PPP1R16B: variants seen among roughly 807,000 people sequenced by gnomAD.
The protein encoded by PPP1R16B is protein phosphatase 1 regulatory inhibitor subunit 16B.
In PPP1R16B, 14 loss-of-function variants were observed where a neutral mutation model predicts 61.7. The observed-to-expected ratio is 0.23, with a 90% CI of 0.15 to 0.35. The LOEUF (loss-of-function observed/expected upper bound fraction) is 0.35, where lower values mean the gene tolerates loss of function less well. Among genes scored for constraint, PPP1R16B ranks in the 10% least tolerant of loss-of-function variants. PPP1R16B has a pLI of 1.00. For missense variants in PPP1R16B, 547 were observed against 752.5 expected (o/e 0.73, Z 3.19); for synonymous variants, 266 against 305.3 (o/e 0.87, Z 1.34).
intron 1 of PPP1R16B, among the ~76,000 whole-genome samples, chr20:38,811,800 C>A (rs1176537985): frequency 6.6e-6 from 1 of 152,132 alleles, no homozygotes; most frequent in African/African-American, 2.4e-5. Flanking sequence ...TGCTAAATAT[C>A]CTGTGGTGCA....
rs1470197601 is a variant in PPP1R16B at position 38,855,972 on chromosome 20, A to AAG, written c.250+19797_250+19798insAG. ...GAGAGAGAGAGAGAGAGAGAGAGAGAGAGAGAGAGAAGGAGGAGGAGAGAG... is the reference window on the plus strand; with the variant it reads ...GAGAGAGAGAGAGAGAGAGAGAGAGAAGGAGAGAGAGAAGGAGGAGGAGAGAG... On this transcript the variant is annotated intron_variant, in intron 2 of 10. Coordinates refer to ENST00000299824, the MANE Select transcript of PPP1R16B (RefSeq NM_015568.4). Among the ~76,000 whole-genome samples the AAG allele has an allele frequency of 4.3e-3, 105 of 24,596 alleles. 6 individuals are homozygous for AAG. The highest frequency in any genetic ancestry group is 0.013 in the Middle Eastern group (1 of 76). 16.1% of individuals were successfully genotyped at this position (24,596 alleles called of 152,430 possible). A position where few individuals can be genotyped will look rare whatever the true frequency, so the allele number is the denominator to read the frequency against.
chr20:38,883,057 A>G (rs2085214197), intron 2 of PPP1R16B, among the ~76,000 whole-genome samples: 1 of 152,208 alleles, frequency 6.6e-6, no homozygotes, highest in Non-Finnish European at 1.5e-5. Context: ...ATGAGGCCTC[A>G]TTGCTGGGCA....
chr20:38,887,220 C>T (rs1399568099), intron 2 of PPP1R16B, among the ~76,000 whole-genome samples: 4 of 152,180 alleles, frequency 2.6e-5, no homozygotes, highest in Non-Finnish European at 5.9e-5. Flanking sequence ...GACTCTGTAA[C>T]TGACAAAAGA....
intron 2 of PPP1R16B, among the ~76,000 whole-genome samples, chr20:38,837,538 T>C (rs2084880001): frequency 6.6e-6 from 1 of 151,486 alleles, no homozygotes; most frequent in Admixed American, 6.6e-5. Flanking sequence ...TTTTTTTCTT[T>C]TTTTTTTTTC....
intron 2 of PPP1R16B, among the ~76,000 whole-genome samples, chr20:38,882,362 TTTG>T (rs140027108): frequency 0.012 from 1,743 of 151,532 alleles, 33 homozygotes; most frequent in African/African-American, 0.04. Context: ...TTTTTTTAAG[TTTG>T]TTGTTGTTGT....
At chr20:38,830,375 G>A (rs1304461429) in intron 1 of PPP1R16B, among the ~76,000 whole-genome samples, 2 of 152,178 alleles carry the variant, frequency 1.3e-5, no homozygotes, top group Non-Finnish European at 2.9e-5. Context: ...TGGCAAGATG[G>A]GTTTCCCAAA....
At position 38,907,319 on chromosome 20, in the gene PPP1R16B, ATG is replaced by A. The variant is rs2085451976; in HGVS notation, c.898+266_898+267del. On this transcript the variant is annotated intron_variant, in intron 8 of 10. Coordinates refer to ENST00000299824, the MANE Select transcript of PPP1R16B (RefSeq NM_015568.4). The surrounding 1 kb of genome is among the most constrained non-coding windows in gnomAD (Gnocchi z 4.5). ...AATGGATGGGTGGGTGGGTGGATGG[ATG>A]GATGGATGGATGGATGGATGGATGG... Among the ~76,000 whole-genome samples the A allele has an allele frequency of 3.9e-5, 4 of 102,710 alleles. No homozygotes were observed. Among genetic ancestry groups the A allele is most frequent in the African/African-American group, 1.5e-4 (4 of 27,326 alleles). 67.4% of individuals were successfully genotyped at this position (102,710 alleles called of 152,430 possible).
chr20:38,814,289 C>T (rs1261973363), intron 1 of PPP1R16B, among the ~76,000 whole-genome samples: 2 of 152,154 alleles, frequency 1.3e-5, no homozygotes, highest in Non-Finnish European at 2.9e-5. Context: ...GCTGTCTTCT[C>T]TTTATGGGGC....
chr20:38,878,181 A>C (rs1386733775), intron 2 of PPP1R16B, among the ~76,000 whole-genome samples: 1 of 152,058 alleles, frequency 6.6e-6, no homozygotes, highest in Admixed American at 6.5e-5. Flanking sequence ...ACAAGTAGTG[A>C]CTTCAATTTC....
chr20:38,876,711 C>G (rs530489623), intron 2 of PPP1R16B, among the ~76,000 whole-genome samples: 1 of 152,342 alleles, frequency 6.6e-6, no homozygotes, highest in African/African-American at 2.4e-5. Flanking sequence ...GCACTTCCTT[C>G]ATGGGGTCAG....
Position 38,831,625 on chromosome 20 carries a change from TCTAAAGGGGACAGCCCGACTCTACACCAG to T in PPP1R16B, c.-101-4199_-101-4171del, listed in dbSNP as rs1352415341. Among the ~76,000 whole-genome samples the T allele has an allele frequency of 3.9e-5, 6 of 152,074 alleles. No homozygotes were observed. In the East Asian group the frequency reaches 1.2e-3, roughly 29 times the overall value. ...GGTAATGGAGAGCGTATGTGCCCTA[TCTAAAGGGGACAGCCCGACTCTACACCAG>T]TTGATGGTGATGCCGTGTGAGCCCA... On this transcript the variant is annotated intron_variant, in intron 1 of 10. Transcript: ENST00000299824.
chr20:38,854,203 C>A (rs953005994), intron 2 of PPP1R16B, among the ~76,000 whole-genome samples: 2 of 152,228 alleles, frequency 1.3e-5, no homozygotes, highest in African/African-American at 4.8e-5. Context: ...CTGCCTCTCT[C>A]TGGGAACCCC....
intron 2 of PPP1R16B, among the ~76,000 whole-genome samples, chr20:38,849,066 T>C (rs138595439): frequency 2.3e-3 from 349 of 152,372 alleles, no homozygotes; most frequent in African/African-American, 7.8e-3. Context: ...GTTAAGCATG[T>C]ATTCTTTCTT....
At chr20:38,811,299 A>G (rs1418969032) in intron 1 of PPP1R16B, among the ~76,000 whole-genome samples, 4 of 152,072 alleles carry the variant, frequency 2.6e-5, no homozygotes, top group African/African-American at 9.7e-5. Flanking sequence ...TTCCTTTTAC[A>G]TGGGGGCAAA....
chr20:38,898,825 A>G (rs2085369214), intron 4 of PPP1R16B, among the ~76,000 whole-genome samples: 1 of 151,916 alleles, frequency 6.6e-6, no homozygotes, highest in Non-Finnish European at 1.5e-5. Flanking sequence ...AACAACAACA[A>G]CAACAACAAC....
intron 2 of PPP1R16B, among the ~76,000 whole-genome samples, chr20:38,843,446 T>C (rs1213892499): frequency 6.6e-6 from 1 of 152,256 alleles, no homozygotes; most frequent in Non-Finnish European, 1.5e-5. Context: ...GGCATGGCTC[T>C]TGGCAGGAGG....
At chr20:38,836,692 T>C (rs2084875201) in intron 2 of PPP1R16B, among the ~76,000 whole-genome samples, 1 of 152,176 alleles carries the variant, frequency 6.6e-6, no homozygotes, top group South Asian at 2.1e-4. Flanking sequence ...CGTTCATTTG[T>C]TTTTATTTAT....
chr20:38,839,479 C>T (rs144784729), intron 2 of PPP1R16B, among the ~76,000 whole-genome samples: 9 of 152,126 alleles, frequency 5.9e-5, no homozygotes, highest in Non-Finnish European at 1.0e-4. Context: ...TCCTTTCTGT[C>T]CCTCCCTTCC....
intron 2 of PPP1R16B, among the ~76,000 whole-genome samples, chr20:38,872,075 G>A (rs2085134016): frequency 6.6e-6 from 1 of 152,218 alleles, no homozygotes; most frequent in Non-Finnish European, 1.5e-5. Flanking sequence ...CCCCAGCCCT[G>A]GACACCGTGG....
Sources: gnomAD v4.1 joint callset for allele counts (sites outside exome capture counted in the v4.1 genomes callset) on GRCh38, gnomAD v4.1.1 for gene constraint, Gnocchi (gnomAD v3.1) non-coding constraint, MANE v1.5 for transcripts, NCBI Gene and HGNC (gene_info 2026-07-23, HGNC 2026-07-21) for gene names.